CBLL1: variants seen among roughly 807,000 people sequenced by gnomAD.
CBLL1 encodes Cbl proto-oncogene like 1.
In CBLL1, 4 loss-of-function variants were observed where a neutral mutation model predicts 44.9. That is an observed-to-expected ratio of 0.09 (90% CI 0.04 to 0.20). The LOEUF is 0.20. Ranked by LOEUF, CBLL1 falls within the 10% of genes least tolerant of loss-of-function variation. The pLI is 1.00. For missense variants in CBLL1, 569 were observed against 636.7 expected (o/e 0.89, Z 1.14); for synonymous variants, 235 against 202.2 (o/e 1.16, Z -1.38).
In CBLL1 at chr7:107,760,704, G is replaced by A. The variant is rs1793728574; in HGVS notation, c.*1526G>A. 1 of 152,154 alleles carries A rather than the reference G, an allele frequency of 6.6e-6. No homozygotes were observed. Among genetic ancestry groups the A allele is most frequent in the East Asian group, 1.9e-4 (1 of 5,336 alleles). The allele number at this position is 152,154 out of a possible 1,614,324, so 9.4% of individuals were successfully genotyped here. On this transcript the variant is annotated 3_prime_UTR_variant, in exon 6 of 6. Transcript: ENST00000440859. ...GATATCATTTATTAGATAGTTTGTAGTGTATACATTTAGAACATACTTCTT... is the reference window on the plus strand; with the variant it reads ...GATATCATTTATTAGATAGTTTGTAATGTATACATTTAGAACATACTTCTT...
At chr7:107,745,471 G>C (rs1407837698) in intron 1 of CBLL1, among the ~76,000 whole-genome samples, 1 of 152,234 alleles carries the variant, frequency 6.6e-6, no homozygotes, top group Non-Finnish European at 1.5e-5. Flanking sequence ...GATTGGAAAG[G>C]AGGGCAGCAG....
At chr7:107,754,077 C>A in intron 4 of CBLL1, 99 bp downstream of exon 4, 1 of 567,830 alleles carries the variant, frequency 1.8e-6, no homozygotes, top group Non-Finnish European at 3.0e-6. Flanking sequence ...ACTAAGTTTG[C>A]AAAATTTTAA....
chr7:107,751,003 A>C lies in CBLL1; in HGVS notation c.181+1956A>C, dbSNP rs191559031. On this transcript the variant is annotated intron_variant, in intron 2 of 5. Coordinates refer to ENST00000440859, the MANE Select transcript of CBLL1 (RefSeq NM_024814.4). ...GGCTTTTTTTTTTTTCCCTCGAAAC[A>C]TTGTCCCAACTCTTTTCCTTGCTGA... Among the ~76,000 whole-genome samples the C allele has an allele frequency of 9.7e-4, 146 of 151,294 alleles. 1 individual carries two copies. Among genetic ancestry groups the C allele is most frequent in the African/African-American group, 3.1e-3 (129 of 41,200 alleles).
chr7:107,748,774 G>A (rs1016078534), intron 1 of CBLL1, 106 bp from the exon 2 acceptor site: 50 of 926,678 alleles, frequency 5.4e-5, no homozygotes, highest in Non-Finnish European at 7.7e-5. Flanking sequence ...TCAGAACCCA[G>A]ATCTTTAACC....
chr7:107,753,832 A>G (rs1013844355), intron 3 of CBLL1, 63 bp from the exon 4 acceptor site: 17 of 1,023,236 alleles, frequency 1.7e-5, no homozygotes, highest in Non-Finnish European at 2.3e-5. Flanking sequence ...TGACCAATTC[A>G]TTGTGTAGAT....
At position 107,744,422 on chromosome 7, in the gene CBLL1, G is replaced by A. The variant is rs149197101; in HGVS notation, c.13+246G>A. 29 of 449,318 alleles carry A rather than the reference G, an allele frequency of 6.5e-5. No individual in the cohort carries two copies. The East Asian group carries it at 8.8e-4, about 14-fold the overall frequency. 27.8% of individuals were successfully genotyped at this position (449,318 alleles called of 1,614,324 possible). On this transcript the variant is annotated intron_variant, in intron 1 of 5. Transcript: ENST00000440859. ...TCCTACTCTGGTTCTGCTGAGCTCC[G>A]AGCCCGGACCAGTGGGCGATGTAGG...
At position 107,760,339 on chromosome 7, in the gene CBLL1, CTT is replaced by C. The variant is rs1000362527; in HGVS notation, c.*1164_*1165del. Reference sequence around the variant, plus strand: ...TTTCCTCTAACTTGAAATTTAAAAACTTTTATTTCCTATTCCTTTTGTCGGTA... The same window carrying C: ...TTTCCTCTAACTTGAAATTTAAAAACTTATTTCCTATTCCTTTTGTCGGTA... On this transcript the variant is annotated 3_prime_UTR_variant, in exon 6 of 6. Coordinates refer to ENST00000440859, the MANE Select transcript of CBLL1 (RefSeq NM_024814.4). The C allele has an allele frequency of 6.6e-6, 1 of 152,216 alleles. No individual in the cohort carries two copies. Among genetic ancestry groups the C allele is most frequent in the Non-Finnish European group, 1.5e-5 (1 of 67,954 alleles). The allele number at this position is 152,216 out of a possible 1,614,324, so 9.4% of individuals were successfully genotyped here.
intron 1 of CBLL1, 135 bp from the exon 2 acceptor site, chr7:107,748,745 C>T: frequency 3.0e-6 from 2 of 662,016 alleles, no homozygotes; most frequent in East Asian, 2.9e-5. Flanking sequence ...AGCAGTTAAA[C>T]TTAATGTAAT....
chr7:107,757,737 A>C (rs1270803866), intron 5 of CBLL1, among the ~76,000 whole-genome samples: 1 of 152,226 alleles, frequency 6.6e-6, no homozygotes, highest in East Asian at 1.9e-4. Flanking sequence ...TTTGCTCAAC[A>C]AACAGTTATC....
intron 5 of CBLL1, 168 bp downstream of exon 5, chr7:107,755,659 T>C (rs1158594729): frequency 2.7e-6 from 1 of 370,462 alleles, no homozygotes; most frequent in Admixed American, 4.6e-5. Context: ...CTCTTTAATA[T>C]AGGGCAAGGT....
chr7:107,756,223 C>G (rs1375748856), intron 5 of CBLL1, among the ~76,000 whole-genome samples: 1 of 152,124 alleles, frequency 6.6e-6, no homozygotes, highest in Non-Finnish European at 1.5e-5. Context: ...TAGCCATAGG[C>G]TTCTTAGATC....
At position 107,758,748 on chromosome 7, in the gene CBLL1, C is replaced by T. The variant is rs761493707; in HGVS notation, c.1046C>T (p.Pro349Leu). ...QHYAPPPPPP[P>L]PISHPMPHPP... is the part of the protein sequence containing the mutation. ...TATGCACCACCCCCACCTCCTCCAC[C>T]ACCAATAAGCCATCCAATGCCACAT... Residue 349 changes from proline (P) to leucine (L), a missense_variant, in exon 6 of 6, where the codon CCA becomes CTA. Transcript: ENST00000440859. The surrounding 1 kb of genome is among the most constrained non-coding windows in gnomAD (Gnocchi z 4.2). The T allele has an allele frequency of 6.2e-7, 1 of 1,613,770 alleles. No individual in the cohort carries two copies. Among genetic ancestry groups the T allele is most frequent in the Admixed American group, 1.7e-5 (1 of 59,994 alleles).
Position 107,748,997 on chromosome 7 carries a change from C to T in CBLL1, c.131C>T (p.Thr44Ile). The stretch of plus-strand genomic sequence containing the variant: ...AACAAAGCGAAACCTGCACCGCGAA[C>T]TCAAAGAACTATAAACAGGATGCCT... ...QANKAKPAPR[T>I]QRTINRMPAK... Residue 44 changes from threonine (T) to isoleucine (I), a missense_variant, in exon 2 of 6, where the codon ACT becomes ATT. By Grantham distance (89) the Thr-to-Ile change is moderately conservative. This residue lies in a region of CBLL1 where 209 missense variants were observed against 202.8 expected (regional missense o/e 1.03). Transcript: ENST00000440859. 1 of 1,614,190 alleles carries T rather than the reference C, an allele frequency of 6.2e-7. No individual in the cohort carries two copies. Among genetic ancestry groups the T allele is most frequent in the Non-Finnish European group, 8.5e-7 (1 of 1,180,026 alleles).
chr7:107,752,589 A>G (rs1283282313), intron 2 of CBLL1: 2 of 1,289,008 alleles, frequency 1.6e-6, no homozygotes, highest in Non-Finnish European at 2.0e-6. Context: ...CCTTGGAGGG[A>G]TATATTTGTC....
chr7:107,746,205 C>G (rs1468030015), intron 1 of CBLL1, among the ~76,000 whole-genome samples: 3 of 152,068 alleles, frequency 2.0e-5, no homozygotes, highest in Non-Finnish European at 4.4e-5. Flanking sequence ...AAGTTCCTGC[C>G]ATAGTTTAGA....
chr7:107,759,218 C>T lies in CBLL1; in HGVS notation c.*40C>T. On this transcript the variant is annotated 3_prime_UTR_variant, in exon 6 of 6. Transcript: ENST00000440859. ...ATGGAAGATATGAGGGGGAAAAAAA[C>T]TTATGTGTAGTCAATCTTTTAAGCT... The T allele has an allele frequency of 6.0e-6, 9 of 1,506,760 alleles. No individual in the cohort carries two copies. Among genetic ancestry groups the T allele is most frequent in the Non-Finnish European group, 8.0e-6 (9 of 1,120,506 alleles). The allele number at this position is 1,506,760 out of a possible 1,614,324, so 93.3% of individuals were successfully genotyped here. A position where few individuals can be genotyped will look rare whatever the true frequency, so the allele number is the denominator to read the frequency against.
chr7:107,745,739 G>A (rs1381534098), intron 1 of CBLL1, among the ~76,000 whole-genome samples: 1 of 152,214 alleles, frequency 6.6e-6, no homozygotes, highest in African/African-American at 2.4e-5. Context: ...GTGTTTGAAG[G>A]AATGTGAGAG....
Position 107,758,635 on chromosome 7 carries a change from T to G in CBLL1, c.933T>G (p.Pro311=). The change falls in exon 6 of 6, where the codon CCT becomes CCG. Residue 311 remains proline (P), a synonymous_variant. Coordinates refer to ENST00000440859, the MANE Select transcript of CBLL1 (RefSeq NM_024814.4). This position sits in a 1 kb window ranked among gnomAD's most constrained non-coding sequence, Gnocchi z 4.2. ...CAGGTGCTAGAGAACCACCACCTCC[T>G]GCCCCAGCACCTGCTCACCATCATC... is the stretch of plus-strand genomic sequence containing the variant. ...SNSGAREPPP[P]APAPAHHHPE... The G allele has an allele frequency of 6.2e-7, 1 of 1,613,920 alleles. No homozygotes were observed. The highest frequency in any genetic ancestry group is 8.5e-7 in the Non-Finnish European group (1 of 1,179,966).
At chr7:107,744,917 T>C (rs1249396453) in intron 1 of CBLL1, 1 of 152,236 alleles carries the variant, frequency 6.6e-6, no homozygotes, top group African/African-American at 2.4e-5. Context: ...TGAGTGCTCT[T>C]GGAGTTATGT....
Sources: gnomAD v4.1 joint callset for allele counts (sites outside exome capture counted in the v4.1 genomes callset) on GRCh38, gnomAD v4.1.1 for gene constraint, gnomAD v4.1.1 regional missense constraint, Gnocchi (gnomAD v3.1) non-coding constraint, MANE v1.5 for transcripts, NCBI Gene and HGNC (gene_info 2026-07-23, HGNC 2026-07-21) for gene names.